The following TENM4 variants were observed in gnomAD, a reference collection of about 807,000 sequenced individuals.
TENM4 encodes teneurin-4.
In TENM4, 82 loss-of-function variants were observed where a neutral mutation model predicts 243.3. The ratio of observed to expected loss-of-function variants is 0.34; its 90% CI spans 0.28 to 0.40. TENM4 has a LOEUF of 0.40. Ranked by LOEUF, TENM4 falls within the 10% of genes least tolerant of loss-of-function variation. TENM4 has a pLI of 1.00. For missense variants in TENM4, 3,138 were observed against 3,673.3 expected (o/e 0.85, Z 3.77); for synonymous variants, 1,412 against 1,456.3 (o/e 0.97, Z 0.69).
chr11:78,787,672 G>A (rs778988440), intron 15 of TENM4, among the ~76,000 whole-genome samples: 5 of 152,154 alleles, frequency 3.3e-5, no homozygotes, highest in Non-Finnish European at 5.9e-5. Flanking sequence ...TCCAAAACCT[G>A]CAGTTTGTTC....
chr11:78,760,537 GACAA>G (rs1462724926), intron 18 of TENM4, among the ~76,000 whole-genome samples: 1 of 152,222 alleles, frequency 6.6e-6, no homozygotes, highest in African/African-American at 2.4e-5. Flanking sequence ...GTGACAATGA[GACAA>G]ACATTTTCTA....
At chr11:78,915,194 G>A (rs1339636392) in intron 6 of TENM4, among the ~76,000 whole-genome samples, 4 of 152,160 alleles carry the variant, frequency 2.6e-5, no homozygotes, top group African/African-American at 4.8e-5. Flanking sequence ...TGTTTTCTGC[G>A]TGGGAGGCTT....
chr11:78,783,907 C>A (rs1221886404), intron 16 of TENM4, among the ~76,000 whole-genome samples: 1 of 152,178 alleles, frequency 6.6e-6, no homozygotes, highest in Non-Finnish European at 1.5e-5. Context: ...GGGGACTTGG[C>A]CATAAGGGGC....
At chr11:79,206,564 C>T (rs559443096) in intron 3 of TENM4, among the ~76,000 whole-genome samples, 6 of 152,270 alleles carry the variant, frequency 3.9e-5, no homozygotes, top group African/African-American at 1.4e-4. Flanking sequence ...TCCCAGAATT[C>T]CCACATGTTG....
chr11:79,281,470 C>G (rs1856155902), intron 2 of TENM4, among the ~76,000 whole-genome samples: 1 of 152,144 alleles, frequency 6.6e-6, no homozygotes, highest in Non-Finnish European at 1.5e-5. Context: ...TTTATCACGA[C>G]AACCCTAGGA....
intron 3 of TENM4, among the ~76,000 whole-genome samples, chr11:79,197,016 C>T (rs75765664): frequency 0.01 from 1,550 of 152,322 alleles, 37 homozygotes; most frequent in African/African-American, 0.034. Context: ...AGCAAAAAGG[C>T]TCTGAGTCCT....
At chr11:79,084,125 C>A (rs375921232) in intron 4 of TENM4, among the ~76,000 whole-genome samples, 2 of 152,150 alleles carry the variant, frequency 1.3e-5, no homozygotes, top group East Asian at 1.9e-4. Context: ...AGATATTCAC[C>A]ATCGTTAGCC....
At chr11:79,104,728 T>C (rs935107325) in intron 4 of TENM4, among the ~76,000 whole-genome samples, 1 of 152,230 alleles carries the variant, frequency 6.6e-6, no homozygotes, top group East Asian at 1.9e-4. Context: ...ACGTTATTAG[T>C]GGGTCAAAGA....
In TENM4 at chr11:78,675,735, A is replaced by G. The variant is rs188738148; in HGVS notation, c.5496+417T>C. ...GTAATAGCAATAATGGTAATAAATC[A>G]TAACAATAACAATAAGAGTAGCTAT... On this transcript the variant is annotated intron_variant, in intron 30 of 33. Coordinates refer to ENST00000278550, the MANE Select transcript of TENM4 (RefSeq NM_001098816.3). Among the ~76,000 whole-genome samples, 611 of 152,334 alleles carry G rather than the reference A, an allele frequency of 4.0e-3. 7 individuals carry two copies. Among genetic ancestry groups the G allele is most frequent in the Non-Finnish European group, 4.9e-3 (332 of 68,030 alleles).
At chr11:79,382,827 T>C (rs1035846800) in intron 1 of TENM4, among the ~76,000 whole-genome samples, 1 of 152,172 alleles carries the variant, frequency 6.6e-6, no homozygotes, top group African/African-American at 2.4e-5. Context: ...AGAATATTTA[T>C]GAGACATTAA....
chr11:79,202,104 G>C (rs1397772657), intron 3 of TENM4, among the ~76,000 whole-genome samples: 3 of 152,170 alleles, frequency 2.0e-5, no homozygotes, highest in African/African-American at 7.2e-5. Flanking sequence ...GAGATGATGT[G>C]AGTCTGTTTG....
At chr11:79,024,101 C>T (rs1486786777) in intron 6 of TENM4, among the ~76,000 whole-genome samples, 16 of 151,702 alleles carry the variant, frequency 1.1e-4, no homozygotes, top group Admixed American at 1.0e-3. Flanking sequence ...GATATCCTTC[C>T]CATCCCCTGT....
At chr11:78,885,574 T>C (rs1189466659) in intron 9 of TENM4, among the ~76,000 whole-genome samples, 1 of 152,212 alleles carries the variant, frequency 6.6e-6, no homozygotes, top group Admixed American at 6.5e-5. Flanking sequence ...AATGTATCTG[T>C]AATTGAAATG....
intron 25 of TENM4, among the ~76,000 whole-genome samples, chr11:78,720,054 A>G (rs1859609635): frequency 6.6e-6 from 1 of 152,248 alleles, no homozygotes; most frequent in Non-Finnish European, 1.5e-5. Context: ...AGTTAGGATG[A>G]CATCCTCATT....
chr11:79,419,166 T>C (rs1858879314), intron 1 of TENM4, among the ~76,000 whole-genome samples: 1 of 152,190 alleles, frequency 6.6e-6, no homozygotes, highest in Admixed American at 6.5e-5. Context: ...GTGAAGGAGA[T>C]GAAAAGCCTA....
intron 12 of TENM4, among the ~76,000 whole-genome samples, chr11:78,851,444 C>A (rs1858536860): frequency 6.6e-6 from 1 of 152,186 alleles, no homozygotes. Context: ...CCTCACTGTG[C>A]CTATGGTTTA....
intron 3 of TENM4, among the ~76,000 whole-genome samples, chr11:79,150,063 A>G (rs1862473830): frequency 6.6e-6 from 1 of 152,128 alleles, no homozygotes; most frequent in South Asian, 2.1e-4. Flanking sequence ...GCAGTGATTT[A>G]TTCAGTCCTC....
intron 3 of TENM4, among the ~76,000 whole-genome samples, chr11:79,188,007 T>C (rs995273840): frequency 6.6e-6 from 1 of 152,232 alleles, no homozygotes; most frequent in African/African-American, 2.4e-5. Context: ...AGTGTTTCAG[T>C]AGAGCTTGGG....
At chr11:79,020,339 C>T (rs896614969) in intron 6 of TENM4, among the ~76,000 whole-genome samples, 3 of 152,148 alleles carry the variant, frequency 2.0e-5, no homozygotes, top group African/African-American at 4.8e-5. Flanking sequence ...GAGCTCATGT[C>T]GCTAATTCTG....
Sources: allele counts gnomAD v4.1 joint callset (sites outside exome capture counted in the v4.1 genomes callset), GRCh38; gene constraint gnomAD v4.1.1; transcripts MANE v1.5; gene names NCBI Gene and HGNC (gene_info 2026-07-23, HGNC 2026-07-21).